PHLDB3: variants seen among roughly 807,000 people sequenced by gnomAD.
The protein encoded by PHLDB3 is pleckstrin homology-like domain family B member 3.
PHLDB3 carries 86 observed loss-of-function variants against 85.7 expected under a neutral mutation model. That is an observed-to-expected ratio of 1.00 (90% CI 0.84 to 1.20). The LOEUF is 1.20. Among genes scored for constraint, PHLDB3 ranks in the 50% most tolerant of loss-of-function variants. The pLI, the probability that PHLDB3 is intolerant of heterozygous loss-of-function variation, is 0.00. For synonymous variants in PHLDB3, 376 were observed against 349.8 expected (o/e 1.07, Z -0.83); for missense variants, 995 against 873.0 (o/e 1.14, Z -1.76).
chr19:43,498,402 A>G (rs1275378088), intron 4 of PHLDB3, among the ~76,000 whole-genome samples: 1 of 151,426 alleles, frequency 6.6e-6, no homozygotes, highest in Non-Finnish European at 1.5e-5. Context: ...GAACGAAGGA[A>G]GGAGAGAGAG....
intron 4 of PHLDB3, among the ~76,000 whole-genome samples, chr19:43,500,807 G>C (rs1271338559): frequency 1.3e-5 from 2 of 148,232 alleles, no homozygotes; most frequent in Admixed American, 6.9e-5. Flanking sequence ...GTTAATTTTT[G>C]TATTTTTATT....
At chr19:43,490,091 G>A (rs1273343903) in intron 9 of PHLDB3, among the ~76,000 whole-genome samples, 1 of 139,904 alleles carries the variant, frequency 7.1e-6, no homozygotes, top group Non-Finnish European at 1.6e-5. Flanking sequence ...GGGAGGGAGG[G>A]AAAAACATTG....
chr19:43,493,303 T>TAAATAAATAAAA (rs1971363766), intron 9 of PHLDB3, among the ~76,000 whole-genome samples: 1 of 147,844 alleles, frequency 6.8e-6, no homozygotes, highest in South Asian at 2.1e-4. Flanking sequence ...AATAAATAAA[T>TAAATAAATAAAA]AAATAAATAA....
chr19:43,487,289 A>G (rs1435769395), intron 9 of PHLDB3, among the ~76,000 whole-genome samples, 166 bp from the exon 10 acceptor site: 3 of 152,164 alleles, frequency 2.0e-5, no homozygotes, highest in Non-Finnish European at 4.4e-5. Flanking sequence ...TATAAGAAAT[A>G]TCAAGCTGAG....
At chr19:43,498,941 G>A (rs79378953) in intron 4 of PHLDB3, among the ~76,000 whole-genome samples, 1 of 152,132 alleles carries the variant, frequency 6.6e-6, no homozygotes, top group African/African-American at 2.4e-5. Flanking sequence ...CGTGGTGGGA[G>A]AGGACAGTGG....
chr19:43,501,717 C>A lies in PHLDB3; in HGVS notation c.534+17G>T, dbSNP rs763583090. 6.3e-7 allele frequency: 1 copy of A among 1,576,164 alleles called. No individual in the cohort carries two copies. ...AGGAAGGACACTGCTGATGAAGACC[C>A]GGTGAGCCAAACAGACCTGTTCCCG... On this transcript the variant is annotated intron_variant, in intron 4 of 15. Coordinates refer to ENST00000292140, the MANE Select transcript of PHLDB3 (RefSeq NM_198850.4).
At chr19:43,490,397 C>A (rs1258710764) in intron 9 of PHLDB3, among the ~76,000 whole-genome samples, 3 of 151,690 alleles carry the variant, frequency 2.0e-5, no homozygotes, top group Admixed American at 1.3e-4. Context: ...CCCATGTCTA[C>A]AAAGAATACA....
At chr19:43,486,511 C>G (rs1244252941) in intron 12 of PHLDB3, 98 bp downstream of exon 12, 1 of 1,430,576 alleles carries the variant, frequency 7.0e-7, no homozygotes, top group Non-Finnish European at 9.4e-7. Context: ...GGCCTGGACC[C>G]CTGGGTCTGA....
Position 43,479,591 on chromosome 19 carries a change from G to C in PHLDB3, c.1488C>G (p.Ala496=). 1 of 1,356,658 alleles carries C rather than the reference G, an allele frequency of 7.4e-7. No individual in the cohort carries two copies. The highest frequency in any genetic ancestry group is 1.0e-6 in the Non-Finnish European group (1 of 974,044). 84.0% of individuals were successfully genotyped at this position (1,356,658 alleles called of 1,614,324 possible). ...CTGGAGGGTGGGGTGGGGTGGGTGG[G>C]GCCTGGGGAGCAAAGAGACGGGGCA... The part of the protein sequence containing the change: ...SSGPAVPAIT[A]PPTPPHPPGP... Residue 496 remains alanine, a splice_region_variant and synonymous_variant, in exon 14 of 16, where the codon GCC becomes GCG. Coordinates refer to ENST00000292140, the MANE Select transcript of PHLDB3 (RefSeq NM_198850.4).
At chr19:43,494,535 G>C (rs1428171897) in intron 9 of PHLDB3, among the ~76,000 whole-genome samples, 167 bp downstream of exon 9, 2 of 152,080 alleles carry the variant, frequency 1.3e-5, no homozygotes, top group African/African-American at 4.8e-5. Context: ...AATAAAGCTG[G>C]AGTCATAGGA....
At position 43,475,411 on chromosome 19, in the gene PHLDB3, C is replaced by A; in HGVS notation, c.1922G>T (p.Ter641LeuextTer23). 1.2e-6 allele frequency: 2 copies of A among 1,613,882 alleles called. No individual in the cohort carries two copies. Among genetic ancestry groups the A allele is most frequent in the Middle Eastern group, 1.6e-4 (1 of 6,062 alleles). Residue 641 changes from the stop codon to leucine (L), a stop_lost, in exon 16 of 16, where the codon TGA (stop) becomes TTA (leucine). Coordinates refer to ENST00000292140, the MANE Select transcript of PHLDB3 (RefSeq NM_198850.4). ...VTAADENHAP[*>L] Reference sequence around the variant, plus strand: ...TTCCCCCCAAGAGGGCGGGGCCACTCAGGGGGCGTGGTTTTCGTCAGCGGC... The same window carrying A: ...TTCCCCCCAAGAGGGCGGGGCCACTAAGGGGGCGTGGTTTTCGTCAGCGGC...
intron 13 of PHLDB3, among the ~76,000 whole-genome samples, chr19:43,483,280 T>TC (rs1971085089): frequency 6.6e-6 from 1 of 151,864 alleles, no homozygotes; most frequent in Non-Finnish European, 1.5e-5. Flanking sequence ...TATCTATCAT[T>TC]CTTTTTTTTT....
intron 13 of PHLDB3, chr19:43,485,907 A>C: frequency 1.1e-6 from 1 of 936,858 alleles, no homozygotes. Context: ...ATGGTGGTTC[A>C]CGCTATAATC....
intron 14 of PHLDB3, among the ~76,000 whole-genome samples, chr19:43,479,023 G>T (rs561103365): frequency 2.0e-5 from 3 of 152,198 alleles, no homozygotes; most frequent in African/African-American, 4.8e-5. Context: ...CTGGCCATTG[G>T]GGGGCTGGGG....
chr19:43,485,940 C>T (rs990251076), intron 13 of PHLDB3: 1 of 978,576 alleles, frequency 1.0e-6, no homozygotes, highest in African/African-American at 1.8e-5. Flanking sequence ...GAGGCTGAGG[C>T]AGGAGGATTG....
chr19:43,495,710 C>T (rs1971441341), intron 6 of PHLDB3, 90 bp from the exon 7 acceptor site: 10 of 1,483,268 alleles, frequency 6.7e-6, no homozygotes, highest in Middle Eastern at 2.0e-4. Context: ...CTGGGGTTTA[C>T]TCCAGCCACT....
At chr19:43,500,741 A>G (rs1315593697) in intron 4 of PHLDB3, among the ~76,000 whole-genome samples, 1 of 152,020 alleles carries the variant, frequency 6.6e-6, no homozygotes, top group African/African-American at 2.4e-5. Flanking sequence ...GGCTCAATTG[A>G]TCCTCCCACC....
At position 43,494,792 on chromosome 19, in the gene PHLDB3, G is replaced by A. The variant is rs1401244717; in HGVS notation, c.1059C>T (p.Asp353=). The change falls in exon 9 of 16, where the codon GAC becomes GAT. Residue 353 remains aspartate, a synonymous_variant. Coordinates refer to ENST00000292140, the MANE Select transcript of PHLDB3 (RefSeq NM_198850.4). ...CATCCTGGAGCACCAGCAGCTGGCG[G>A]TCTGTCTTCTGGGTGAACAGCAGCT... ...LTKLLFTQKT[D]RQLLVLQDAV... is the part of the protein sequence containing the mutation. 3 of 1,612,896 alleles carry A rather than the reference G, an allele frequency of 1.9e-6. No individual in the cohort carries two copies. Among genetic ancestry groups the A allele is most frequent in the Admixed American group, 3.3e-5 (2 of 59,890 alleles).
chr19:43,497,814 CT>C lies in PHLDB3; in HGVS notation c.596del (p.Lys199ArgfsTer24). The C allele has an allele frequency of 6.4e-7, 1 of 1,563,498 alleles. No homozygotes were observed. On this transcript the variant is annotated frameshift_variant, in exon 5 of 16. Coordinates refer to ENST00000292140, the MANE Select transcript of PHLDB3 (RefSeq NM_198850.4). LOFTEE classifies it high-confidence loss of function. ...RLEGLRQRLR[K>X]AQGQLDSQPE... ...GCTGTGAGTCGAGCTGTCCCTGGGC[CT>C]TGCGGAGTCTCTGGCGAAGACCCTC...
Sources: allele counts gnomAD v4.1 joint callset (sites outside exome capture counted in the v4.1 genomes callset), GRCh38; gene constraint gnomAD v4.1.1; transcripts MANE v1.5; gene names NCBI Gene and HGNC (gene_info 2026-07-23, HGNC 2026-07-21).